Variants in SLC25A26 observed in about 807,000 individuals in gnomAD.
The protein encoded by SLC25A26 is mitochondrial S-adenosylmethionine carrier protein.
In SLC25A26, 36 loss-of-function variants were observed where a neutral mutation model predicts 37.8. That is an observed-to-expected ratio of 0.95 (90% CI 0.73 to 1.26). The LOEUF is 1.26. SLC25A26 is among the 50% of genes most tolerant of loss of function. SLC25A26 has a pLI of 0.00. For missense variants in SLC25A26, 390 were observed against 331.1 expected (o/e 1.18, Z -1.38); for synonymous variants, 129 against 122.5 (o/e 1.05, Z -0.35).
At chr3:66,341,817 C>T (rs1439862295) in intron 5 of SLC25A26, among the ~76,000 whole-genome samples, 1 of 151,976 alleles carries the variant, frequency 6.6e-6, no homozygotes, top group Middle Eastern at 3.2e-3. Context: ...AATAAATGAA[C>T]TGTAGTTGTT....
intron 7 of SLC25A26, among the ~76,000 whole-genome samples, chr3:66,369,025 C>CAAAAAA (rs1201555171): frequency 1.9e-3 from 60 of 32,044 alleles, no homozygotes; most frequent in Non-Finnish European, 2.7e-3. Flanking sequence ...CCTGTCTTTT[C>CAAAAAA]AAAAAAAAAA....
intron 9 of SLC25A26, among the ~76,000 whole-genome samples, chr3:66,375,065 G>C (rs954316300): frequency 6.6e-6 from 1 of 152,140 alleles, no homozygotes; most frequent in African/African-American, 2.4e-5. Context: ...AATGATAAGT[G>C]TAACAGCCTC....
At chr3:66,256,798 G>C (rs2073321286) in intron 3 of SLC25A26, among the ~76,000 whole-genome samples, 1 of 152,186 alleles carries the variant, frequency 6.6e-6, no homozygotes, top group Admixed American at 6.5e-5. Context: ...AAGAGGCTGA[G>C]ATGGGAGGAT....
intron 1 of SLC25A26, among the ~76,000 whole-genome samples, chr3:66,214,706 G>A (rs1213198847): frequency 6.6e-6 from 1 of 151,920 alleles, no homozygotes; most frequent in Non-Finnish European, 1.5e-5. Flanking sequence ...AAAATTTGAT[G>A]TGATTATATA....
intron 1 of SLC25A26, among the ~76,000 whole-genome samples, chr3:66,177,530 C>T (rs564762593): frequency 9.9e-5 from 15 of 152,210 alleles, no homozygotes; most frequent in African/African-American, 3.6e-4. Flanking sequence ...CCTTGTTCCC[C>T]CTCCACCTCA....
intron 1 of SLC25A26, among the ~76,000 whole-genome samples, chr3:66,146,339 CAA>C (rs749935106): frequency 8.1e-5 from 9 of 111,044 alleles, no homozygotes; most frequent in African/African-American, 1.0e-4. Flanking sequence ...GATTCAGTCT[CAA>C]AAAAAAAAAA....
chr3:66,280,559 C>T (rs2074302835), intron 5 of SLC25A26, among the ~76,000 whole-genome samples: 1 of 152,146 alleles, frequency 6.6e-6, no homozygotes, highest in African/African-American at 2.4e-5. Flanking sequence ...GAGTTGGTCT[C>T]TGAATTCTTT....
chr3:66,230,552 C>T (rs1008802796), intron 1 of SLC25A26, among the ~76,000 whole-genome samples: 3 of 151,858 alleles, frequency 2.0e-5, no homozygotes, highest in African/African-American at 7.3e-5. Flanking sequence ...GCCTGTAATC[C>T]CAGCACTTTG....
At chr3:66,363,412 A>C (rs964723449) in intron 7 of SLC25A26, among the ~76,000 whole-genome samples, 1 of 52,974 alleles carries the variant, frequency 1.9e-5, no homozygotes, top group Non-Finnish European at 4.3e-5. Flanking sequence ...TGAAGGGTAA[A>C]CTGTTCTGTG....
chr3:66,214,681 A>G (rs2071334318), intron 1 of SLC25A26, among the ~76,000 whole-genome samples: 1 of 151,978 alleles, frequency 6.6e-6, no homozygotes, highest in Non-Finnish European at 1.5e-5. Context: ...GAGTTATGGG[A>G]ACTATTTACA....
chr3:66,267,271 G>C (rs2073791150), intron 5 of SLC25A26, among the ~76,000 whole-genome samples: 1 of 152,212 alleles, frequency 6.6e-6, no homozygotes, highest in Non-Finnish European at 1.5e-5. Flanking sequence ...GTTATAGGCA[G>C]ATGGAACAGC....
intron 1 of SLC25A26, among the ~76,000 whole-genome samples, chr3:66,208,205 A>G (rs2071205645): frequency 6.6e-6 from 1 of 152,174 alleles, no homozygotes; most frequent in East Asian, 1.9e-4. Context: ...TACTTCTGCA[A>G]GCACCATAGA....
intron 1 of SLC25A26, among the ~76,000 whole-genome samples, chr3:66,194,022 C>T (rs1421475157): frequency 1.3e-5 from 2 of 152,122 alleles, no homozygotes; most frequent in African/African-American, 2.4e-5. Flanking sequence ...CATAAAGGAA[C>T]GATAAGTTGA....
chr3:66,287,530 T>G (rs1368635490), intron 5 of SLC25A26, among the ~76,000 whole-genome samples: 1 of 152,226 alleles, frequency 6.6e-6, no homozygotes, highest in Non-Finnish European at 1.5e-5. Flanking sequence ...AGCTCAGTTC[T>G]TCCTCTTTTT....
chr3:66,312,262 C>G (rs941595206), intron 5 of SLC25A26, among the ~76,000 whole-genome samples: 1 of 152,196 alleles, frequency 6.6e-6, no homozygotes, highest in African/African-American at 2.4e-5. Context: ...CCGAACTTCG[C>G]CGCAGCTTTG....
chr3:66,345,849 T>G (rs2076309981), intron 5 of SLC25A26, among the ~76,000 whole-genome samples: 1 of 152,218 alleles, frequency 6.6e-6, no homozygotes, highest in African/African-American at 2.4e-5. Flanking sequence ...TGCTTCTGTT[T>G]CCATTTCAAA....
intron 5 of SLC25A26, among the ~76,000 whole-genome samples, chr3:66,308,573 C>T (rs2075290803): frequency 6.6e-6 from 1 of 152,186 alleles, no homozygotes; most frequent in Admixed American, 6.5e-5. Context: ...CAGCCTTCTG[C>T]TGTGCCGGTT....
intron 3 of SLC25A26, among the ~76,000 whole-genome samples, chr3:66,249,712 C>A (rs1182982139): frequency 1.3e-5 from 2 of 152,196 alleles, no homozygotes; most frequent in African/African-American, 2.4e-5. Context: ...TTTGCCACAT[C>A]TCTGCACAGT....
At chr3:66,341,727 G>A (rs1188570309) in intron 5 of SLC25A26, among the ~76,000 whole-genome samples, 1 of 152,092 alleles carries the variant, frequency 6.6e-6, no homozygotes, top group African/African-American at 2.4e-5. Context: ...TTAACCTAAG[G>A]AGTAATTCAC....
Sources: gnomAD v4.1 joint callset for allele counts (sites outside exome capture counted in the v4.1 genomes callset) on GRCh38, gnomAD v4.1.1 for gene constraint, MANE v1.5 for transcripts, NCBI Gene and HGNC (gene_info 2026-07-23, HGNC 2026-07-21) for gene names.